The following SKI variants were observed in gnomAD, a reference collection of about 807,000 sequenced individuals.
SKI encodes the protein ski oncogene.
SKI carries 23 observed loss-of-function variants against 59.3 expected under a neutral mutation model. The ratio of observed to expected loss-of-function variants is 0.39; its 90% CI spans 0.28 to 0.55. The LOEUF (loss-of-function observed/expected upper bound fraction) is 0.55. SKI is among the 20% of genes least tolerant of loss of function. The pLI, the probability that SKI is intolerant of heterozygous loss-of-function variation, is 0.67. For missense variants in SKI, 1,017 were observed against 1,038.9 expected (o/e 0.98, Z 0.29); for synonymous variants, 673 against 488.6 (o/e 1.38, Z -4.98).
Position 2,307,734 on chromosome 1 carries a change from C to T in SKI, c.*969C>T, listed in dbSNP as rs1640633746. The T allele has an allele frequency of 6.6e-6, 1 of 152,512 alleles. No homozygotes were observed. The highest frequency in any genetic ancestry group is 1.5e-5 in the Non-Finnish European group (1 of 68,038). 9.4% of individuals were successfully genotyped at this position (152,512 alleles called of 1,614,324 possible). A position where few individuals can be genotyped will look rare whatever the true frequency, so the allele number is the denominator to read the frequency against. On this transcript the variant is annotated 3_prime_UTR_variant, in exon 7 of 7. Transcript: ENST00000378536. ...CGTTCATTTAAACGTATATTTAGAA[C>T]TGCACTTTGTCCACAACCTTCCCTT... is the stretch of plus-strand genomic sequence containing the variant.
chr1:2,253,115 A>G (rs1639198056), intron 1 of SKI, among the ~76,000 whole-genome samples: 1 of 149,228 alleles, frequency 6.7e-6, no homozygotes. Context: ...AAAAAAATAG[A>G]GTTGCTAAAT....
rs1640644935 is a variant in SKI at position 2,308,076 on chromosome 1, G to A, written c.*1311G>A. On this transcript the variant is annotated 3_prime_UTR_variant, in exon 7 of 7. Coordinates refer to ENST00000378536, the MANE Select transcript of SKI (RefSeq NM_003036.4). ...CACCTGTTTATGCAAATTGTATAAG[G>A]TTTCTTATGCCCAAGCTTGAAAAAT... 6.6e-6 allele frequency: 1 copy of A among 152,296 alleles called. No individual in the cohort carries two copies. The highest frequency in any genetic ancestry group is 1.5e-5 in the Non-Finnish European group (1 of 68,036). The allele number at this position is 152,296 out of a possible 1,614,324, so 9.4% of individuals were successfully genotyped here. A position where few individuals can be genotyped will look rare whatever the true frequency, so the allele number is the denominator to read the frequency against.
In SKI at chr1:2,308,745, C is replaced by G. The variant is rs975796873; in HGVS notation, c.*1980C>G. 2.0e-5 allele frequency: 3 copies of G among 152,206 alleles called. No homozygotes were observed. The highest frequency in any genetic ancestry group is 2.9e-5 in the Non-Finnish European group (2 of 68,062). The allele number at this position is 152,206 out of a possible 1,614,324, so 9.4% of individuals were successfully genotyped here. On this transcript the variant is annotated 3_prime_UTR_variant, in exon 7 of 7. Coordinates refer to ENST00000378536, the MANE Select transcript of SKI (RefSeq NM_003036.4). ...GTGAGGTAGAGGCCCTGCCCCATCCCCAGGGCCGCCAGGCTTGCTCCGTTT... is the reference window on the plus strand; with the variant it reads ...GTGAGGTAGAGGCCCTGCCCCATCCGCAGGGCCGCCAGGCTTGCTCCGTTT...
Position 2,256,728 on chromosome 1 carries a change from G to A in SKI, c.969+26993G>A, listed in dbSNP as rs7533279. ...TTGCCTCTGGTGTCCCCATGGCGAA[G>A]TCCCCTGCCATCTGCTTTGGGCTCT... On this transcript the variant is annotated intron_variant, in intron 1 of 6. Coordinates refer to ENST00000378536, the MANE Select transcript of SKI (RefSeq NM_003036.4). Among the ~76,000 whole-genome samples the A allele has an allele frequency of 7.0e-3, 1,060 of 152,358 alleles. 12 individuals carry two copies. The highest frequency in any genetic ancestry group is 0.022 in the African/African-American group (933 of 41,586).
Position 2,309,525 on chromosome 1 carries a change from T to A in SKI, c.*2760T>A, listed in dbSNP as rs1640691011. On this transcript the variant is annotated 3_prime_UTR_variant, in exon 7 of 7. Transcript: ENST00000378536. ...GGGTCCTTTTTCAGAAACTCTTTTC[T>A]TACCTGAGAGTTGTCTTGTTTTCTG... The A allele has an allele frequency of 1.3e-5, 2 of 152,190 alleles. No homozygotes were observed. Among genetic ancestry groups the A allele is most frequent in the Non-Finnish European group, 2.9e-5 (2 of 68,030 alleles). 9.4% of individuals were successfully genotyped at this position (152,190 alleles called of 1,614,324 possible).
At position 2,303,578 on chromosome 1, in the gene SKI, C is replaced by A; in HGVS notation, c.1211+178C>A. Reference sequence around the variant, plus strand: ...CAGGGAGAGCACACCTAGAGCGTTCCCTGTGTTCTGGGTGGAGTCGTGGGT... The same window carrying A: ...CAGGGAGAGCACACCTAGAGCGTTCACTGTGTTCTGGGTGGAGTCGTGGGT... On this transcript the variant is annotated intron_variant, in intron 3 of 6. Coordinates refer to ENST00000378536, the MANE Select transcript of SKI (RefSeq NM_003036.4). This position sits in a 1 kb window ranked among gnomAD's most constrained non-coding sequence, Gnocchi z 5.6. 1 of 693,288 alleles carries A rather than the reference C, an allele frequency of 1.4e-6. No homozygotes were observed. The highest frequency in any genetic ancestry group is 2.7e-5 in the Admixed American group (1 of 37,678). 42.9% of individuals were successfully genotyped at this position (693,288 alleles called of 1,614,324 possible). A position where few individuals can be genotyped will look rare whatever the true frequency, so the allele number is the denominator to read the frequency against.
At chr1:2,230,817 C>G (rs1280028336) in intron 1 of SKI, among the ~76,000 whole-genome samples, 8 of 151,970 alleles carry the variant, frequency 5.3e-5, no homozygotes, top group Non-Finnish European at 1.0e-4. Context: ...TTGCATCAAA[C>G]TTTTTTTTTC....
intron 1 of SKI, among the ~76,000 whole-genome samples, chr1:2,261,650 T>C (rs1639388315): frequency 6.6e-6 from 1 of 152,278 alleles, no homozygotes; most frequent in Admixed American, 6.5e-5. Flanking sequence ...GTAGTTGCCA[T>C]TGGGTTTTCT....
intron 1 of SKI, among the ~76,000 whole-genome samples, chr1:2,241,882 T>G (rs1320699841): frequency 6.6e-6 from 1 of 152,242 alleles, no homozygotes; most frequent in African/African-American, 2.4e-5. Context: ...AGAAGTGTTT[T>G]CCTGCTGCTT....
intron 1 of SKI, among the ~76,000 whole-genome samples, chr1:2,284,828 TGG>T (rs1199864656): frequency 6.6e-6 from 1 of 152,110 alleles, no homozygotes; most frequent in Non-Finnish European, 1.5e-5. Flanking sequence ...GGGGCCCCGG[TGG>T]CTGGAGAGTG....
intron 1 of SKI, among the ~76,000 whole-genome samples, chr1:2,233,583 G>A (rs1033523800): frequency 1.1e-4 from 16 of 152,080 alleles, no homozygotes; most frequent in Admixed American, 9.8e-4. Flanking sequence ...TGGAGGGTCC[G>A]CGACGGGGGT....
intron 1 of SKI, chr1:2,232,380 C>T (rs535353937): frequency 2.0e-5 from 3 of 152,318 alleles, no homozygotes; most frequent in South Asian, 2.1e-4. Context: ...CGCCACTCTC[C>T]TACCCATGGT....
chr1:2,282,086 C>A (rs1341670454), intron 1 of SKI, among the ~76,000 whole-genome samples: 2 of 71,892 alleles, frequency 2.8e-5, no homozygotes, highest in Non-Finnish European at 5.7e-5. Flanking sequence ...CCCGAGAAGA[C>A]AGGCGGTGGC....
At chr1:2,273,979 C>A (rs1383735092) in intron 1 of SKI, among the ~76,000 whole-genome samples, 1 of 152,152 alleles carries the variant, frequency 6.6e-6, no homozygotes, top group Admixed American at 6.5e-5. Context: ...AGCCCCACAA[C>A]AGTGTCCTGG....
At chr1:2,251,627 C>T (rs1047120548) in intron 1 of SKI, among the ~76,000 whole-genome samples, 20 of 152,356 alleles carry the variant, frequency 1.3e-4, no homozygotes, top group Non-Finnish European at 2.2e-4. Context: ...GTTACTGCCT[C>T]TGTGTGGGCA....
At chr1:2,305,971 T>G in intron 5 of SKI, 49 bp from the exon 6 acceptor site, 1 of 1,365,924 alleles carries the variant, frequency 7.3e-7, no homozygotes, top group Non-Finnish European at 1.0e-6. Flanking sequence ...TGGTGAGGGG[T>G]GTGCTGGGAC....
rs908391053 is a variant in SKI at position 2,306,787 on chromosome 1, C to T, written c.*22C>T. 7 of 1,477,244 alleles carry T rather than the reference C, an allele frequency of 4.7e-6. No homozygotes were observed. Among genetic ancestry groups the T allele is most frequent in the Admixed American group, 2.3e-5 (1 of 43,148 alleles). The allele number at this position is 1,477,244 out of a possible 1,614,324, so 91.5% of individuals were successfully genotyped here. The stretch of plus-strand genomic sequence containing the variant: ...GTAGATTCCGTGCCTGCCGCCGCAG[C>T]GCCGCCGACAACGCGGGTGCAGGGG... On this transcript the variant is annotated 3_prime_UTR_variant, in exon 7 of 7. Coordinates refer to ENST00000378536, the MANE Select transcript of SKI (RefSeq NM_003036.4).
chr1:2,271,703 G>A (rs1261389849), intron 1 of SKI, among the ~76,000 whole-genome samples: 1 of 147,020 alleles, frequency 6.8e-6, no homozygotes, highest in Non-Finnish European at 1.5e-5. Flanking sequence ...GGCGGGGATT[G>A]TGGCCCTGGT....
chr1:2,243,825 C>T (rs552608232), intron 1 of SKI, among the ~76,000 whole-genome samples: 1 of 152,266 alleles, frequency 6.6e-6, no homozygotes, highest in East Asian at 1.9e-4. Context: ...ATACACATCT[C>T]TATAGATTGC....
Sources: gnomAD v4.1 joint callset for allele counts (sites outside exome capture counted in the v4.1 genomes callset) on GRCh38, gnomAD v4.1.1 for gene constraint, Gnocchi (gnomAD v3.1) non-coding constraint, MANE v1.5 for transcripts, NCBI Gene and HGNC (gene_info 2026-07-23, HGNC 2026-07-21) for gene names.